The following DMD variants were observed in gnomAD, a reference collection of about 807,000 sequenced individuals.
The protein encoded by DMD is dystrophin.
A neutral mutation model predicts 330.1 loss-of-function variants in DMD; 63 were observed. The ratio of observed to expected loss-of-function variants is 0.19; its 90% confidence interval spans 0.16 to 0.24. The LOEUF (loss-of-function observed/expected upper bound fraction) is 0.24, where lower values mean the gene tolerates loss of function less well. DMD is among the 10% of genes least tolerant of loss of function. The pLI is 1.00. For synonymous variants in DMD, 1,223 were observed against 959.8 expected (o/e 1.27, Z -5.07); for missense variants, 3,344 against 2,684.1 (o/e 1.25, Z -5.43).
intron 63 of DMD, 125 bp from the exon 64 acceptor site, chrX:31,223,246 G>T: frequency 1.7e-6 from 1 of 596,861 alleles, no homozygotes. Context: ...AACATATAGT[G>T]TGTATACGCC....
At chrX:32,405,969 T>A (rs1170655357) in intron 30 of DMD, among the ~76,000 whole-genome samples, 2 of 111,181 alleles carry the variant, frequency 1.8e-5, no homozygotes, top group Non-Finnish European at 3.8e-5. Flanking sequence ...GTCCTTCACA[T>A]CCCTTGTAAG....
intron 60 of DMD, among the ~76,000 whole-genome samples, chrX:31,384,309 CACTACTACTACTACT>C (rs79171547): frequency 3.7e-3 from 336 of 91,278 alleles, no homozygotes; most frequent in South Asian, 6.9e-3. Flanking sequence ...TATCCTGCTT[CACTACTACTACTACT>C]ACTACTACTA....
rs2085815363 is a variant in DMD, at chrX:32,897,335, G to A, written c.94-47515C>T. ...AAAGGAAGGAGAAGGAAGGAAGAAGGAAAGGGGAAATATAAGGAGGAGTAG... is the reference window on the plus strand; with the variant it reads ...AAAGGAAGGAGAAGGAAGGAAGAAGAAAAGGGGAAATATAAGGAGGAGTAG... On this transcript the variant is annotated intron_variant, in intron 2 of 78. Transcript: ENST00000357033. 3.6e-5 allele frequency among the ~76,000 whole-genome samples: 4 copies of A among 111,597 alleles called. No individual in the cohort carries two copies. The Admixed American group carries it at 3.8e-4, about 11-fold the overall frequency.
chrX:32,378,622 G>T (rs1388971612), intron 34 of DMD, among the ~76,000 whole-genome samples: 1 of 110,216 alleles, frequency 9.1e-6, no homozygotes, highest in African/African-American at 3.3e-5. Context: ...CAACAGAACT[G>T]GGAGAAATTC....
chrX:32,508,867 G>T (rs893729615), intron 18 of DMD, among the ~76,000 whole-genome samples: 5 of 110,115 alleles, frequency 4.5e-5, no homozygotes, highest in African/African-American at 1.7e-4. Context: ...CTGGAGTGCA[G>T]TGGCGCAATC....
At chrX:31,549,835 T>A (rs1305496564) in intron 55 of DMD, among the ~76,000 whole-genome samples, 1 of 112,260 alleles carries the variant, frequency 8.9e-6, no homozygotes. Flanking sequence ...CGTTTATGAG[T>A]TTTTGTCATC....
intron 44 of DMD, among the ~76,000 whole-genome samples, chrX:32,103,885 C>T (rs1194047078): frequency 9.0e-6 from 1 of 111,577 alleles, no homozygotes; most frequent in African/African-American, 3.3e-5. Flanking sequence ...TTTAGGATAT[C>T]CTTTAGAACA....
At chrX:31,191,602 T>C (rs1336340577) in intron 67 of DMD, among the ~76,000 whole-genome samples, 1 of 111,596 alleles carries the variant, frequency 9.0e-6, no homozygotes, top group Non-Finnish European at 1.9e-5. Flanking sequence ...CAAGCTCTTT[T>C]TTTGCCTGCT....
intron 9 of DMD, among the ~76,000 whole-genome samples, chrX:32,693,465 G>C (rs896872227): frequency 9.0e-6 from 1 of 111,653 alleles, no homozygotes; most frequent in Non-Finnish European, 1.9e-5. Context: ...TTTTGAGACC[G>C]AGTCTTGCCC....
intron 52 of DMD, among the ~76,000 whole-genome samples, chrX:31,724,473 T>C (rs893386414): frequency 2.7e-5 from 3 of 111,957 alleles, no homozygotes; most frequent in Admixed American, 9.5e-5. Flanking sequence ...TTATGCAATA[T>C]AATGTGAATT....
At chrX:32,455,723 T>C (rs1298042199) in intron 25 of DMD, among the ~76,000 whole-genome samples, 1 of 111,242 alleles carries the variant, frequency 9.0e-6, no homozygotes, top group Non-Finnish European at 1.9e-5. Context: ...AATTATGACA[T>C]ATATATACTA....
At chrX:32,288,315 C>A (rs1302294260) in intron 42 of DMD, among the ~76,000 whole-genome samples, 1 of 111,648 alleles carries the variant, frequency 9.0e-6, no homozygotes, top group African/African-American at 3.3e-5. Context: ...TATAGTAATT[C>A]AATTAACAAT....
chrX:32,486,444 G>A (rs1460802175), intron 20 of DMD, among the ~76,000 whole-genome samples: 2 of 110,861 alleles, frequency 1.8e-5, no homozygotes, highest in Non-Finnish European at 1.9e-5. Flanking sequence ...TGAATTTGTG[G>A]CTAGCACTGT....
intron 16 of DMD, among the ~76,000 whole-genome samples, chrX:32,559,486 T>C (rs749424217): frequency 8.1e-5 from 9 of 111,607 alleles, no homozygotes; most frequent in Admixed American, 1.9e-4. Context: ...TAAAAAGCCT[T>C]AGAGTATTTT....
At chrX:32,782,091 A>C (rs2148549692) in intron 7 of DMD, among the ~76,000 whole-genome samples, 1 of 111,969 alleles carries the variant, frequency 8.9e-6, no homozygotes, top group East Asian at 2.8e-4. Context: ...ACCAATTTTG[A>C]ATACAATCTA....
intron 11 of DMD, among the ~76,000 whole-genome samples, chrX:32,639,401 C>CCT (rs1272094416): frequency 9.9e-5 from 11 of 111,380 alleles, no homozygotes; most frequent in Admixed American, 9.6e-4. Flanking sequence ...TTGGCTTACT[C>CCT]CTCTTAAGGG....
intron 1 of DMD, among the ~76,000 whole-genome samples, chrX:33,241,801 G>A (rs751876522): frequency 6.3e-5 from 7 of 110,817 alleles, no homozygotes; most frequent in Non-Finnish European, 9.4e-5. Flanking sequence ...TTGCTCTGTC[G>A]CCCAGTCTGG....
chrX:33,038,910 C>A (rs1369676941), intron 1 of DMD, among the ~76,000 whole-genome samples: 1 of 111,339 alleles, frequency 9.0e-6, no homozygotes, highest in East Asian at 2.8e-4. Flanking sequence ...AGGAGAATCG[C>A]ATGAACCCAG....
chrX:31,859,527 C>T (rs2093666111), intron 48 of DMD, among the ~76,000 whole-genome samples: 1 of 112,178 alleles, frequency 8.9e-6, no homozygotes, highest in African/African-American at 3.2e-5. Flanking sequence ...TGTGGTTCCA[C>T]AGACCAGAAA....
Sources: allele counts gnomAD v4.1 joint callset (sites outside exome capture counted in the v4.1 genomes callset), GRCh38; gene constraint gnomAD v4.1.1; transcripts MANE v1.5; gene names NCBI Gene and HGNC (gene_info 2026-07-23, HGNC 2026-07-21).